The following GPC3 variants were observed in gnomAD, a reference collection of about 807,000 sequenced individuals.
The protein encoded by GPC3 is glypican 3, also known as glypican-3.
Under a neutral mutation model 34.4 loss-of-function variants are expected in GPC3, and 3 were observed. The observed-to-expected ratio is 0.09, with a 90% CI of 0.04 to 0.23. The LOEUF (loss-of-function observed/expected upper bound fraction) is 0.23, where lower values mean the gene tolerates loss of function less well. GPC3 is among the 10% of genes least tolerant of loss of function. GPC3 has a pLI of 1.00. For synonymous variants in GPC3, 177 were observed against 174.0 expected, an observed-to-expected ratio of 1.02 and a Z score of -0.13; for missense variants, 351 against 445.6, an observed-to-expected ratio of 0.79 and a Z score of 1.91.
intron 5 of GPC3, among the ~76,000 whole-genome samples, chrX:133,673,003 G>A (rs1409596037): frequency 2.8e-5 from 3 of 105,669 alleles, no homozygotes; most frequent in Non-Finnish European, 5.8e-5. Flanking sequence ...GTGCAATGGC[G>A]CAATCTCGGC....
intron 2 of GPC3, among the ~76,000 whole-genome samples, chrX:133,775,689 T>A (rs2071971771): frequency 9.0e-6 from 1 of 111,648 alleles, no homozygotes; most frequent in South Asian, 3.8e-4. Flanking sequence ...GGATTGGACA[T>A]AAACAATTCA....
intron 2 of GPC3, among the ~76,000 whole-genome samples, chrX:133,884,932 T>C (rs996007410): frequency 8.9e-6 from 1 of 112,110 alleles, no homozygotes; most frequent in African/African-American, 3.2e-5. Context: ...CTGGTATTTT[T>C]TGTTTACTCT....
Position 133,680,785 on chromosome X carries a change from T to C in GPC3, c.1292+11584A>G, listed in dbSNP as rs750136573. ...AATTTAGGAAGATTGCCCGAGTTAATCTCTATAAAGCAGTCATAGGAGAAA... is the reference window on the plus strand; with the variant it reads ...AATTTAGGAAGATTGCCCGAGTTAACCTCTATAAAGCAGTCATAGGAGAAA... On this transcript the variant is annotated intron_variant, in intron 5 of 7. Coordinates refer to ENST00000370818, the MANE Select transcript of GPC3 (RefSeq NM_004484.4). 1.1e-4 allele frequency among the ~76,000 whole-genome samples: 12 copies of C among 111,852 alleles called. No individual in the cohort carries two copies. In the South Asian group the frequency reaches 4.6e-3, roughly 43 times the overall value.
intron 2 of GPC3, among the ~76,000 whole-genome samples, chrX:133,902,133 C>G (rs907130634): frequency 8.0e-5 from 9 of 112,262 alleles, no homozygotes; most frequent in Non-Finnish European, 1.7e-4. Context: ...TTTGAATTAA[C>G]CAAATATTTG....
intron 4 of GPC3, 60 bp downstream of exon 4, chrX:133,699,835 T>C: frequency 9.8e-7 from 1 of 1,020,358 alleles, no homozygotes; most frequent in South Asian, 2.1e-5. Context: ...CTAGTGGTTT[T>C]TGACCTTAAA....
intron 3 of GPC3, among the ~76,000 whole-genome samples, chrX:133,728,392 AAGG>A (rs1249277404): frequency 8.9e-6 from 1 of 112,037 alleles, no homozygotes; most frequent in Non-Finnish European, 1.9e-5. Flanking sequence ...TGAAGGAAAG[AAGG>A]AGAAGATGAA....
intron 2 of GPC3, among the ~76,000 whole-genome samples, chrX:133,926,432 C>G (rs1254377372): frequency 8.9e-6 from 1 of 112,077 alleles, no homozygotes; most frequent in Non-Finnish European, 1.9e-5. Flanking sequence ...TCTGTGAAAA[C>G]AGAATCTGAT....
chrX:133,815,367 A>G (rs1181384143), intron 2 of GPC3, among the ~76,000 whole-genome samples: 1 of 110,791 alleles, frequency 9.0e-6, no homozygotes, highest in African/African-American at 3.3e-5. Flanking sequence ...GCTGACTTCT[A>G]GTAAGTGGCT....
chrX:133,661,628 CTCTCT>C (rs2070725487), intron 6 of GPC3, 97 bp downstream of exon 6: 9 of 19,618 alleles, frequency 4.6e-4, no homozygotes, highest in African/African-American at 7.0e-4. Flanking sequence ...CTCTCTCTCT[CTCTCT>C]CCCCCCCCCC....
At chrX:133,971,530 C>A (rs773556911) in intron 1 of GPC3, among the ~76,000 whole-genome samples, 16 of 111,522 alleles carry the variant, frequency 1.4e-4, no homozygotes, top group Non-Finnish European at 2.6e-4. Context: ...AAAGGAAACA[C>A]AGCTTAAAAC....
intron 1 of GPC3, 83 bp downstream of exon 1, chrX:133,985,192 G>A: frequency 9.5e-7 from 1 of 1,056,128 alleles, no homozygotes. Flanking sequence ...CAGCCCGGCG[G>A]GGCTAGCGCG....
chrX:133,741,010 A>G (rs1187643044), intron 3 of GPC3, among the ~76,000 whole-genome samples: 1 of 110,590 alleles, frequency 9.0e-6, no homozygotes, highest in East Asian at 2.8e-4. Flanking sequence ...TCATCTCTGA[A>G]TAAGTGTGGG....
At chrX:133,923,972 G>T (rs996618573) in intron 2 of GPC3, among the ~76,000 whole-genome samples, 4 of 111,349 alleles carry the variant, frequency 3.6e-5, no homozygotes, top group African/African-American at 1.3e-4. Flanking sequence ...CCTATAAATC[G>T]CCCAGGAACA....
intron 7 of GPC3, among the ~76,000 whole-genome samples, chrX:133,589,175 C>T (rs1603178765): frequency 9.0e-6 from 1 of 111,552 alleles, no homozygotes; most frequent in East Asian, 2.8e-4. Context: ...GGGCAATAAA[C>T]AGCCATTTGC....
intron 7 of GPC3, among the ~76,000 whole-genome samples, chrX:133,551,039 A>T (rs1355797294): frequency 1.8e-5 from 2 of 111,518 alleles, no homozygotes; most frequent in East Asian, 5.7e-4. Flanking sequence ...AGGGTTTTTG[A>T]TGAGTAGGTT....
intron 2 of GPC3, among the ~76,000 whole-genome samples, chrX:133,887,010 T>C (rs1465547087): frequency 3.6e-5 from 4 of 112,321 alleles, no homozygotes; most frequent in Non-Finnish European, 7.5e-5. Context: ...TTCAGTTTTG[T>C]TTTGTTTCTT....
Position 133,754,151 on chromosome X carries a change from A to T in GPC3, c.363T>A (p.His121Gln), listed in dbSNP as rs754433681. 7 of 1,184,773 alleles carry T rather than the reference A, an allele frequency of 5.9e-6. No individual in the cohort carries two copies. In the East Asian group the frequency reaches 2.1e-4, roughly 35 times the overall value. ...FQEAFEIVVR[H>Q]AKNYTNAMFK... ...ACATGGCATTGGTGTAGTTCTTGGC[A>T]TGGCGAACAACAATTTCAAAGGCCT... The change falls in exon 3 of 8, where the codon CAT (histidine) becomes CAA (glutamine). Residue 121 changes from histidine (H) to glutamine (Q), a missense_variant. Coordinates refer to ENST00000370818, the MANE Select transcript of GPC3 (RefSeq NM_004484.4).
At chrX:133,646,083 CAAA>C (rs199725073) in intron 6 of GPC3, among the ~76,000 whole-genome samples, 2 of 58,309 alleles carry the variant, frequency 3.4e-5, no homozygotes, top group Admixed American at 2.1e-4. Flanking sequence ...AAAACAAAGA[CAAA>C]AAAAAAAAAA....
intron 2 of GPC3, among the ~76,000 whole-genome samples, chrX:133,940,403 T>TA (rs1437140671): frequency 8.9e-6 from 1 of 111,972 alleles, no homozygotes; most frequent in Non-Finnish European, 1.9e-5. Flanking sequence ...GTTAGCAACT[T>TA]AATGCTGCCA....
Sources: allele counts gnomAD v4.1 joint callset (sites outside exome capture counted in the v4.1 genomes callset), GRCh38; gene constraint gnomAD v4.1.1; transcripts MANE v1.5; gene names NCBI Gene and HGNC (gene_info 2026-07-23, HGNC 2026-07-21).